GRAMD2B: variants seen among roughly 807,000 people sequenced by gnomAD.
GRAMD2B encodes the protein GRAM domain-containing protein 2B.
GRAMD2B carries 41 observed loss-of-function variants against 59.2 expected under a neutral mutation model. That is an observed-to-expected ratio of 0.69 (90% CI 0.54 to 0.90). GRAMD2B has a LOEUF of 0.90. Among genes scored for constraint, GRAMD2B ranks in the 40% least tolerant of loss-of-function variants. The pLI is 0.00. For missense variants in GRAMD2B, 424 were observed against 500.5 expected (o/e 0.85, Z 1.46); for synonymous variants, 161 against 182.7 (o/e 0.88, Z 0.96).
chr5:126,371,457 G>T, exon 1 of GRAMD2B: 6 of 1,288,574 alleles, frequency 4.7e-6, no homozygotes, highest in Non-Finnish European at 6.1e-6. Context: ...TGAAGAAAAG[G>T]CTGCCTTCTA....
At chr5:126,473,403 T>C in intron 5 of GRAMD2B, 35 bp downstream of exon 5, 2 of 683,682 alleles carry the variant, frequency 2.9e-6, no homozygotes, top group Non-Finnish European at 4.9e-6. Context: ...GCTAACCCTA[T>C]ACTTTATTAT....
intron 8 of GRAMD2B, chr5:126,480,944 T>G (rs764504543): frequency 1.6e-5 from 9 of 552,426 alleles, no homozygotes; most frequent in Non-Finnish European, 2.6e-5. Context: ...GTAGACTATC[T>G]TGGTGAGTTA....
At chr5:126,411,779 G>C (rs1758811847) in intron 1 of GRAMD2B, among the ~76,000 whole-genome samples, 1 of 151,008 alleles carries the variant, frequency 6.6e-6, no homozygotes, top group Non-Finnish European at 1.5e-5. Context: ...ATGATTTCTT[G>C]TTGCAGTGTT....
intron 1 of GRAMD2B, among the ~76,000 whole-genome samples, chr5:126,375,494 C>T (rs536376905): frequency 2.5e-4 from 38 of 152,000 alleles, no homozygotes; most frequent in African/African-American, 8.0e-4. Context: ...CTCAGCCTCC[C>T]GAGTGGCTGG....
rs943276938 is a variant in GRAMD2B at position 126,400,435 on chromosome 5, T to C, written c.125+28868T>C. 3.9e-5 allele frequency among the ~76,000 whole-genome samples: 6 copies of C among 152,288 alleles called. No individual in the cohort carries two copies. In the East Asian group the frequency reaches 1.2e-3, roughly 29 times the overall value. Reference sequence around the variant, plus strand: ...TATTAACAAATTATTATAGCTGTAGTTATTTTTAATACTTTTGTCTATTAT... The same window carrying C: ...TATTAACAAATTATTATAGCTGTAGCTATTTTTAATACTTTTGTCTATTAT... On this transcript the variant is annotated intron_variant, in intron 1 of 8. Coordinates refer to the GRAMD2B transcript ENST00000506445.
At chr5:126,453,420 G>T (rs937826512) in intron 1 of GRAMD2B, among the ~76,000 whole-genome samples, 1 of 151,662 alleles carries the variant, frequency 6.6e-6, no homozygotes, top group Non-Finnish European at 1.5e-5. Flanking sequence ...CCCTAAAAAG[G>T]TTATAGTCTA....
intron 1 of GRAMD2B, among the ~76,000 whole-genome samples, chr5:126,386,063 T>C (rs560729560): frequency 2.7e-4 from 41 of 152,300 alleles, no homozygotes; most frequent in African/African-American, 9.9e-4. Flanking sequence ...AAAGCTTAAT[T>C]ATCCCAAATT....
intron 5 of GRAMD2B, among the ~76,000 whole-genome samples, chr5:126,475,173 C>G (rs185393571): frequency 6.6e-6 from 1 of 152,304 alleles, no homozygotes; most frequent in African/African-American, 2.4e-5. Context: ...CCTTTTTAGT[C>G]AGCCTGTCGG....
chr5:126,479,039 C>A (rs1451157577), intron 6 of GRAMD2B, among the ~76,000 whole-genome samples: 1 of 152,184 alleles, frequency 6.6e-6, no homozygotes, highest in Admixed American at 6.5e-5. Flanking sequence ...CATGCACAAT[C>A]AGAAAAATTT....
In GRAMD2B at chr5:126,483,405, G is replaced by T; in HGVS notation, c.736-58G>T. The T allele has an allele frequency of 2.9e-6, 3 of 1,043,270 alleles. No homozygotes were observed. In the Middle Eastern group the frequency reaches 6.0e-4, roughly 210 times the overall value. The allele number at this position is 1,043,270 out of a possible 1,614,324, so 64.6% of individuals were successfully genotyped here. ...AGGTGAAAGGGCTGGGAGTTACAAAGGCCTGCCTGTTTACTAAGGGAATAT... is the reference window on the plus strand; with the variant it reads ...AGGTGAAAGGGCTGGGAGTTACAAATGCCTGCCTGTTTACTAAGGGAATAT... On this transcript the variant is annotated intron_variant, in intron 8 of 13. Transcript: ENST00000285689.
rs559904336 is a variant in GRAMD2B at position 126,457,191 on chromosome 5, C to CA, written c.84-8205dup. Reference sequence around the variant, plus strand: ...GAGGCGACAGTGCGAGACTCCGTCTCAAAAAAAAAAAAAAAAAAAAAAAAA... The same window carrying CA: ...GAGGCGACAGTGCGAGACTCCGTCTCAAAAAAAAAAAAAAAAAAAAAAAAAA... On this transcript the variant is annotated intron_variant, in intron 1 of 13. Coordinates refer to ENST00000285689, the MANE Select transcript of GRAMD2B (RefSeq NM_023927.4). Among the ~76,000 whole-genome samples the CA allele has an allele frequency of 2.3e-3, 150 of 63,982 alleles. 6 individuals are homozygous for CA. The highest frequency in any genetic ancestry group is 6.9e-3 in the African/African-American group (125 of 18,126). 42.0% of individuals were successfully genotyped at this position (63,982 alleles called of 152,430 possible). A position where few individuals can be genotyped will look rare whatever the true frequency, so the allele number is the denominator to read the frequency against.
chr5:126,391,202 G>A (rs1254334831), intron 1 of GRAMD2B, among the ~76,000 whole-genome samples: 8 of 151,238 alleles, frequency 5.3e-5, no homozygotes, highest in East Asian at 3.9e-4. Context: ...TGAGCCAGGC[G>A]TAATGGCACA....
intron 1 of GRAMD2B, among the ~76,000 whole-genome samples, chr5:126,426,487 T>G (rs565180422): frequency 1.1e-4 from 17 of 152,342 alleles, no homozygotes; most frequent in African/African-American, 3.1e-4. Flanking sequence ...TATTGACAGT[T>G]TAGTTTGTAC....
upstream of GRAMD2B, among the ~76,000 whole-genome samples, chr5:126,366,446 A>C (rs536166118): frequency 1.3e-5 from 2 of 152,356 alleles, no homozygotes; most frequent in South Asian, 4.1e-4. Context: ...CATGAGTGAA[A>C]GTATGACCAA....
chr5:126,390,010 G>A (rs1756586629), intron 1 of GRAMD2B, among the ~76,000 whole-genome samples: 1 of 152,122 alleles, frequency 6.6e-6, no homozygotes, highest in South Asian at 2.1e-4. Context: ...TGCTAACAAA[G>A]GGTTTTACTT....
At position 126,469,764 on chromosome 5, in the gene GRAMD2B, A is replaced by T. The variant is rs201854476; in HGVS notation, c.291A>T (p.Arg97Ser). ...GCAAAAATGACCCTAAGACTGAAAG[A>T]AAAAAGTCTTCATCTTCCAGCCAGG... ...TESKNDPKTE[R>S]KKSSSSSQYK... The change falls in exon 3 of 14, where the codon AGA (arginine) becomes AGT (serine). Residue 97 changes from arginine (R) to serine (S), a missense_variant. By Grantham distance (110) the Arg-to-Ser change is moderately radical. Coordinates refer to ENST00000285689, the MANE Select transcript of GRAMD2B (RefSeq NM_023927.4). 1.9e-6 allele frequency: 3 copies of T among 1,612,186 alleles called. No individual in the cohort carries two copies. The highest frequency in any genetic ancestry group is 2.5e-6 in the Non-Finnish European group (3 of 1,178,522).
intron 1 of GRAMD2B, among the ~76,000 whole-genome samples, chr5:126,454,719 G>T (rs1765966440): frequency 6.6e-6 from 1 of 152,142 alleles, no homozygotes; most frequent in African/African-American, 2.4e-5. Flanking sequence ...GGAGCCAGAT[G>T]GTGGCCTCTG....
intron 12 of GRAMD2B, among the ~76,000 whole-genome samples, chr5:126,488,226 T>A (rs1773311121): frequency 2.0e-5 from 3 of 152,226 alleles, no homozygotes; most frequent in Non-Finnish European, 2.9e-5. Flanking sequence ...CCCATCTTGT[T>A]CAAAAAGTTA....
intron 1 of GRAMD2B, among the ~76,000 whole-genome samples, chr5:126,387,703 G>T: frequency 6.6e-6 from 1 of 151,938 alleles, no homozygotes; most frequent in East Asian, 1.9e-4. Context: ...CACAAATGGA[G>T]AACAAATTGT....
Sources: allele counts gnomAD v4.1 joint callset (sites outside exome capture counted in the v4.1 genomes callset), GRCh38; gene constraint gnomAD v4.1.1; transcripts MANE v1.5; gene names NCBI Gene and HGNC (gene_info 2026-07-23, HGNC 2026-07-21).